Variants in INPP4B observed in about 807,000 individuals in gnomAD.
INPP4B encodes the protein inositol polyphosphate 4-phosphatase type II.
Under a neutral mutation model 122.5 loss-of-function variants are expected in INPP4B, and 55 were observed. The ratio of observed to expected loss-of-function variants is 0.45; its 90% CI spans 0.36 to 0.56. The LOEUF is 0.56. Ranked by LOEUF, INPP4B falls within the 20% of genes least tolerant of loss-of-function variation. The pLI, the probability that INPP4B is intolerant of heterozygous loss-of-function variation, is 0.00. For missense variants in INPP4B, 1,000 were observed against 1,097.7 expected, an observed-to-expected ratio of 0.91 and a Z score of 1.26; for synonymous variants, 403 against 388.7, an observed-to-expected ratio of 1.04 and a Z score of -0.43.
intron 2 of INPP4B, among the ~76,000 whole-genome samples, chr4:142,716,331 A>C (rs1384172404): frequency 1.3e-5 from 2 of 152,232 alleles, no homozygotes; most frequent in Non-Finnish European, 2.9e-5. Flanking sequence ...TTCTACAAAA[A>C]TTAGCAAGCT....
chr4:142,111,354 T>C (rs1348480925), intron 22 of INPP4B, among the ~76,000 whole-genome samples: 3 of 152,122 alleles, frequency 2.0e-5, no homozygotes, highest in Admixed American at 2.0e-4. Context: ...TCTTTTTTTG[T>C]TTGTTTTTTG....
Position 142,086,179 on chromosome 4 carries a change from T to C in INPP4B, c.2452A>G (p.Arg818Gly), listed in dbSNP as rs1553966592. 6.3e-7 allele frequency: 1 copy of C among 1,598,804 alleles called. No homozygotes were observed. Among genetic ancestry groups the C allele is most frequent in the East Asian group, 2.2e-5 (1 of 44,738 alleles). Residue 818 changes from arginine (R) to glycine (G), a missense_variant, in exon 24 of 26, where the codon AGA becomes GGA. By Grantham distance (125) the Arg-to-Gly change is moderately radical. Transcript: ENST00000262992. ...AGCCACATAATTTCTACATTCTTTC[T>C]TTTTTTGGATTGGATATTTTGAAGG... is the stretch of plus-strand genomic sequence containing the variant. ...NLLQNIQSKKRKNVEIMWLAA... is the reference protein window; with the variant it reads ...NLLQNIQSKKGKNVEIMWLAA...
chr4:142,130,049 A>T (rs1437093519), intron 18 of INPP4B, among the ~76,000 whole-genome samples: 2 of 152,210 alleles, frequency 1.3e-5, no homozygotes, highest in African/African-American at 4.8e-5. Context: ...TGGGACAGTG[A>T]CCAAACGAGT....
chr4:142,785,680 C>A (rs1009849335), intron 1 of INPP4B, among the ~76,000 whole-genome samples: 5 of 151,420 alleles, frequency 3.3e-5, no homozygotes, highest in Non-Finnish European at 7.4e-5. Flanking sequence ...GAAACAAGTT[C>A]AAAAAATATA....
intron 12 of INPP4B, among the ~76,000 whole-genome samples, chr4:142,210,091 A>T (rs1414468101): frequency 6.6e-6 from 1 of 152,182 alleles, no homozygotes; most frequent in African/African-American, 2.4e-5. Context: ...TCATTTCTGT[A>T]ACCTTTTACC....
intron 12 of INPP4B, among the ~76,000 whole-genome samples, chr4:142,215,084 C>T (rs1198546574): frequency 1.3e-5 from 2 of 152,030 alleles, no homozygotes; most frequent in Non-Finnish European, 2.9e-5. Context: ...TATCAGAGTT[C>T]ATATAAGATT....
intron 25 of INPP4B, among the ~76,000 whole-genome samples, chr4:142,067,946 G>A (rs1764593945): frequency 6.6e-6 from 1 of 152,112 alleles, no homozygotes; most frequent in South Asian, 2.1e-4. Context: ...ACATAGCAAG[G>A]CAGGCCAACA....
chr4:142,761,694 T>C (rs944637050), intron 1 of INPP4B, among the ~76,000 whole-genome samples: 8 of 152,140 alleles, frequency 5.3e-5, no homozygotes, highest in East Asian at 1.9e-4. Context: ...TTGACAGAAA[T>C]AGAAAGATTG....
At chr4:142,491,529 C>T (rs1004846980) in intron 2 of INPP4B, among the ~76,000 whole-genome samples, 10 of 152,120 alleles carry the variant, frequency 6.6e-5, no homozygotes, top group African/African-American at 2.4e-4. Flanking sequence ...TGGTGGCACA[C>T]AGTGGCAATC....
At chr4:142,251,138 T>C (rs1731804331) in intron 11 of INPP4B, among the ~76,000 whole-genome samples, 1 of 152,200 alleles carries the variant, frequency 6.6e-6, no homozygotes, top group African/African-American at 2.4e-5. Flanking sequence ...TGCTTGATTT[T>C]AAAGTAATGT....
chr4:142,442,336 C>A (rs553843015), intron 3 of INPP4B, among the ~76,000 whole-genome samples: 2 of 134,286 alleles, frequency 1.5e-5, no homozygotes, highest in Admixed American at 9.1e-5. Flanking sequence ...TGCTTGAACC[C>A]GGGAGGCGGA....
chr4:142,298,597 T>C (rs530373029), intron 9 of INPP4B, among the ~76,000 whole-genome samples: 2 of 148,566 alleles, frequency 1.3e-5, no homozygotes, highest in African/African-American at 5.0e-5. Context: ...AGGCAGATAA[T>C]TGCTTCAACC....
chr4:142,330,005 T>C (rs1773855530), intron 7 of INPP4B, among the ~76,000 whole-genome samples: 1 of 152,192 alleles, frequency 6.6e-6, no homozygotes. Context: ...AAAAAATTTA[T>C]AAACAAACTG....
At chr4:142,129,524 A>T (rs1039172575) in intron 18 of INPP4B, among the ~76,000 whole-genome samples, 1 of 152,204 alleles carries the variant, frequency 6.6e-6, no homozygotes, top group Non-Finnish European at 1.5e-5. Flanking sequence ...CACGTCGCCA[A>T]CTTTGGTCAT....
chr4:142,719,986 C>T (rs1444011906), intron 2 of INPP4B, among the ~76,000 whole-genome samples: 1 of 152,168 alleles, frequency 6.6e-6, no homozygotes, highest in African/African-American at 2.4e-5. Flanking sequence ...AACCAAAGCA[C>T]AAATACCCAT....
chr4:142,387,710 A>C (rs950060588), intron 7 of INPP4B, among the ~76,000 whole-genome samples: 1 of 152,134 alleles, frequency 6.6e-6, no homozygotes, highest in Non-Finnish European at 1.5e-5. Context: ...TCCTCTGTTA[A>C]GTTTTGATTA....
At chr4:142,788,759 G>A (rs1049708332) in intron 1 of INPP4B, among the ~76,000 whole-genome samples, 2 of 152,028 alleles carry the variant, frequency 1.3e-5, no homozygotes, top group African/African-American at 4.8e-5. Context: ...TAGAATAATA[G>A]TCTCCAATCT....
chr4:142,747,069 A>G (rs1158741264), intron 1 of INPP4B, among the ~76,000 whole-genome samples: 1 of 152,212 alleles, frequency 6.6e-6, no homozygotes. Context: ...AGAAACTCTC[A>G]TCAGAGTGAA....
intron 16 of INPP4B, among the ~76,000 whole-genome samples, chr4:142,166,209 G>T (rs1353000031): frequency 1.3e-5 from 2 of 151,446 alleles, no homozygotes; most frequent in Non-Finnish European, 3.0e-5. Context: ...GTACATTAAG[G>T]TTTATGATCA....
Sources: allele counts gnomAD v4.1 joint callset (sites outside exome capture counted in the v4.1 genomes callset), GRCh38; gene constraint gnomAD v4.1.1; transcripts MANE v1.5; gene names NCBI Gene and HGNC (gene_info 2026-07-23, HGNC 2026-07-21).